Variants in ENTPD1 observed in about 807,000 individuals in gnomAD.
ENTPD1 encodes ATP diphosphohydrolase.
In ENTPD1, 33 loss-of-function variants were observed where a neutral mutation model predicts 57.0. The observed-to-expected ratio is 0.58, with a 90% CI of 0.44 to 0.77. The LOEUF (loss-of-function observed/expected upper bound fraction) is 0.77. Ranked by LOEUF, ENTPD1 falls within the 30% of genes least tolerant of loss-of-function variation. The pLI, the probability that ENTPD1 is intolerant of heterozygous loss-of-function variation, is 0.00. For missense variants in ENTPD1, 501 were observed against 603.4 expected (o/e 0.83, Z 1.78); for synonymous variants, 202 against 218.8 (o/e 0.92, Z 0.68).
intron 1 of ENTPD1, among the ~76,000 whole-genome samples, chr10:95,736,611 C>G (rs2861147): frequency 5.3e-5 from 8 of 151,782 alleles, no homozygotes; most frequent in Non-Finnish European, 5.9e-5. Context: ...GATGGTTGCA[C>G]GCACACCCCT....
intron 7 of ENTPD1, among the ~76,000 whole-genome samples, chr10:95,856,437 A>T (rs950474800): frequency 5.9e-5 from 9 of 151,976 alleles, no homozygotes; most frequent in Non-Finnish European, 4.4e-5. Flanking sequence ...CAGTATAGAG[A>T]CTCCTTAAGG....
intron 1 of ENTPD1, among the ~76,000 whole-genome samples, chr10:95,721,547 G>A (rs1327838374): frequency 2.0e-5 from 3 of 152,114 alleles, no homozygotes; most frequent in African/African-American, 4.8e-5. Flanking sequence ...TAGCCATCAG[G>A]GTTATTTGAG....
chr10:95,755,626 C>A (rs2098020277), upstream of ENTPD1: 4 of 1,452,542 alleles, frequency 2.8e-6, no homozygotes, highest in Non-Finnish European at 3.7e-6. Context: ...GCAGCGTCTC[C>A]TGCAGGAAAC....
intron 7 of ENTPD1, among the ~76,000 whole-genome samples, chr10:95,859,881 T>C (rs907821441): frequency 3.3e-5 from 5 of 152,192 alleles, no homozygotes; most frequent in African/African-American, 1.2e-4. Flanking sequence ...AACTTTTAAC[T>C]TTTTTTATAG....
rs2098480545 is a variant in ENTPD1 at position 95,871,616 on chromosome 10, G to A, written c.*5233G>A. The A allele has an allele frequency of 2.0e-6, 2 of 985,260 alleles. No homozygotes were observed. Among genetic ancestry groups the A allele is most frequent in the South Asian group, 4.7e-5 (1 of 21,284 alleles). 61.0% of individuals were successfully genotyped at this position (985,260 alleles called of 1,614,324 possible). On this transcript the variant is annotated 3_prime_UTR_variant, in exon 10 of 10. Transcript: ENST00000371205. ...CTCCATGAGCCTTCTCTTTAGAAAA[G>A]TGGCATTCAAGACTCTTCATTTGAA...
At chr10:95,720,585 C>T (rs1353042001) in intron 1 of ENTPD1, among the ~76,000 whole-genome samples, 2 of 152,110 alleles carry the variant, frequency 1.3e-5, no homozygotes, top group Non-Finnish European at 2.9e-5. Flanking sequence ...TCCTGGCCCT[C>T]AATGGTCAAA....
intron 1 of ENTPD1, among the ~76,000 whole-genome samples, chr10:95,757,684 A>G (rs914758631): frequency 1.2e-4 from 18 of 152,108 alleles, no homozygotes; most frequent in African/African-American, 4.3e-4. Flanking sequence ...TAGTTTGGTG[A>G]CACCAGTCAC....
chr10:95,725,530 C>T (rs2097982703), intron 1 of ENTPD1, among the ~76,000 whole-genome samples: 1 of 152,116 alleles, frequency 6.6e-6, no homozygotes, highest in African/African-American at 2.4e-5. Context: ...ATTCTCTTCT[C>T]TGTGGTGTGT....
rs79837936 is a variant in ENTPD1 at position 95,870,303 on chromosome 10, T to G, written c.*3920T>G. 3 of 981,554 alleles carry G rather than the reference T, an allele frequency of 3.1e-6. No homozygotes were observed. The highest frequency in any genetic ancestry group is 3.6e-6 in the Non-Finnish European group (3 of 826,424). The allele number at this position is 981,554 out of a possible 1,614,324, so 60.8% of individuals were successfully genotyped here. ...ATTAAAATAAAGATGATTTTTTTTTTGGAGCTAGTCTTGCTCTGTTGCCCA... is the reference window on the plus strand; with the variant it reads ...ATTAAAATAAAGATGATTTTTTTTTGGGAGCTAGTCTTGCTCTGTTGCCCA... On this transcript the variant is annotated 3_prime_UTR_variant, in exon 10 of 10. Coordinates refer to ENST00000371205, the MANE Select transcript of ENTPD1 (RefSeq NM_001776.6).
At chr10:95,716,295 G>A (rs2097971408) in intron 1 of ENTPD1, among the ~76,000 whole-genome samples, 1 of 152,140 alleles carries the variant, frequency 6.6e-6, no homozygotes, top group African/African-American at 2.4e-5. Context: ...ATAAGATATG[G>A]CAACTTTGCT....
At chr10:95,788,806 T>C in intron 1 of ENTPD1, among the ~76,000 whole-genome samples, 1 of 152,196 alleles carries the variant, frequency 6.6e-6, no homozygotes, top group Non-Finnish European at 1.5e-5. Context: ...TATATTATTT[T>C]CTCTATTTTC....
intron 1 of ENTPD1, among the ~76,000 whole-genome samples, chr10:95,733,503 G>A (rs1451272612): frequency 1.3e-5 from 2 of 152,322 alleles, no homozygotes; most frequent in East Asian, 1.9e-4. Flanking sequence ...TATTGATTAG[G>A]GAAGTGATAA....
At chr10:95,860,345 C>T (rs1566250941) in intron 7 of ENTPD1, 124 bp from the exon 8 acceptor site, 1 of 756,964 alleles carries the variant, frequency 1.3e-6, no homozygotes, top group East Asian at 3.0e-5. Flanking sequence ...TGCAATATCA[C>T]TTTGTGTGTT....
In ENTPD1 at chr10:95,788,478, G is replaced by C. The variant is rs189544347; in HGVS notation, c.16+32223G>C. On this transcript the variant is annotated intron_variant, in intron 1 of 9. Coordinates refer to ENST00000371205, the MANE Select transcript of ENTPD1 (RefSeq NM_001776.6). Reference sequence around the variant, plus strand: ...CTAAAAATACAAACATTAGCTGGGCGTGGTGGTGGGTGCCTGTAATCCCAG... The same window carrying C: ...CTAAAAATACAAACATTAGCTGGGCCTGGTGGTGGGTGCCTGTAATCCCAG... Among the ~76,000 whole-genome samples, 276 of 152,096 alleles carry C rather than the reference G, an allele frequency of 1.8e-3. 5 individuals carry two copies. Among genetic ancestry groups the C allele is most frequent in the African/African-American group, 6.2e-3 (256 of 41,508 alleles).
intron 1 of ENTPD1, among the ~76,000 whole-genome samples, chr10:95,802,377 G>A (rs1009735483): frequency 1.3e-5 from 2 of 151,916 alleles, no homozygotes; most frequent in African/African-American, 2.4e-5. Flanking sequence ...GTTGTAAAAT[G>A]TTTCTTTTCT....
chr10:95,762,220 A>G (rs2098067296), intron 1 of ENTPD1, among the ~76,000 whole-genome samples: 1 of 151,872 alleles, frequency 6.6e-6, no homozygotes, highest in South Asian at 2.1e-4. Flanking sequence ...AAAAAAAAAA[A>G]AAAAAAAGAA....
chr10:95,810,749 C>T (rs1054713845), intron 1 of ENTPD1, among the ~76,000 whole-genome samples: 1 of 152,140 alleles, frequency 6.6e-6, no homozygotes, highest in East Asian at 1.9e-4. Context: ...AAGCTACTCT[C>T]ATCTATTATA....
At chr10:95,845,648 C>G (rs2098433873) in intron 6 of ENTPD1, 52 bp downstream of exon 6, 1 of 1,614,002 alleles carries the variant, frequency 6.2e-7, no homozygotes, top group Admixed American at 1.7e-5. Context: ...ACCTCCAGCC[C>G]CCACATCCTG....
At chr10:95,845,650 C>T (rs1189984437) in intron 6 of ENTPD1, 54 bp downstream of exon 6, 2 of 1,614,088 alleles carry the variant, frequency 1.2e-6, no homozygotes, top group African/African-American at 1.3e-5. Context: ...CTCCAGCCCC[C>T]ACATCCTGTT....
Sources: gnomAD v4.1 joint callset for allele counts (sites outside exome capture counted in the v4.1 genomes callset) on GRCh38, gnomAD v4.1.1 for gene constraint, MANE v1.5 for transcripts, NCBI Gene and HGNC (gene_info 2026-07-23, HGNC 2026-07-21) for gene names.